The following PRDM11 variants were observed in gnomAD, a reference collection of about 807,000 sequenced individuals.
PRDM11 encodes the protein PR domain-containing protein 11.
PRDM11 carries 20 observed loss-of-function variants against 97.8 expected under a neutral mutation model. That is an observed-to-expected ratio of 0.20 (90% CI 0.14 to 0.30). The LOEUF (loss-of-function observed/expected upper bound fraction) is 0.30, where lower values mean the gene tolerates loss of function less well. Ranked by LOEUF, PRDM11 falls within the 10% of genes least tolerant of loss-of-function variation. The probability of loss-of-function intolerance (pLI) is 1.00; values close to 1 mark genes in which losing one functional copy is unlikely to be tolerated. For synonymous variants in PRDM11, 599 were observed against 637.7 expected (o/e 0.94, Z 0.91); for missense variants, 1,139 against 1,555.2 (o/e 0.73, Z 4.50).
chr11:45,098,896 T>C (rs975554323), intron 1 of PRDM11, among the ~76,000 whole-genome samples: 7 of 152,156 alleles, frequency 4.6e-5, no homozygotes, highest in African/African-American at 1.7e-4. Flanking sequence ...AGGAGTGTTG[T>C]ACTAAGCAAG....
In PRDM11 at chr11:45,160,133, C is replaced by T. The variant is rs149060879; in HGVS notation, c.-7+13256C>T. On this transcript the variant is annotated intron_variant, in intron 1 of 7. Transcript: ENST00000683152. Reference sequence around the variant, plus strand: ...GCTCTGACTTCCCTGCTGGGGCTCCCGAGGTTCAGAATGGGTGTTCACCCC... The same window carrying T: ...GCTCTGACTTCCCTGCTGGGGCTCCTGAGGTTCAGAATGGGTGTTCACCCC... Among the ~76,000 whole-genome samples, 906 of 152,244 alleles carry T rather than the reference C, an allele frequency of 6.0e-3. 7 individuals carry two copies. The highest frequency in any genetic ancestry group is 0.02 in the African/African-American group (849 of 41,532).
At chr11:45,115,218 G>A (rs1025364041) in intron 1 of PRDM11, among the ~76,000 whole-genome samples, 1 of 151,942 alleles carries the variant, frequency 6.6e-6, no homozygotes, top group Non-Finnish European at 1.5e-5. Flanking sequence ...TTACTTTGAT[G>A]TGAAGTGACA....
At chr11:45,095,105 G>A (rs1180659397), upstream of PRDM11, among the ~76,000 whole-genome samples, 1 of 152,072 alleles carries the variant, frequency 6.6e-6, no homozygotes, top group East Asian at 1.9e-4. Context: ...GTGGGATCCC[G>A]CCAACCTGCC....
At chr11:45,144,529 G>C (rs945463915), upstream of PRDM11, among the ~76,000 whole-genome samples, 1 of 152,154 alleles carries the variant, frequency 6.6e-6, no homozygotes, top group Non-Finnish European at 1.5e-5. Flanking sequence ...CAACTTGCCA[G>C]CTCATTCTCT....
At chr11:45,205,801 C>G (rs1005495042) in intron 5 of PRDM11, among the ~76,000 whole-genome samples, 2 of 152,204 alleles carry the variant, frequency 1.3e-5, no homozygotes, top group Non-Finnish European at 2.9e-5. Flanking sequence ...TTCCCAGTGG[C>G]TCCACTGCCC....
intron 1 of PRDM11, among the ~76,000 whole-genome samples, chr11:45,110,432 C>A (rs1303102615): frequency 6.6e-6 from 1 of 152,112 alleles, no homozygotes; most frequent in African/African-American, 2.4e-5. Flanking sequence ...TTCTAAAGGG[C>A]CAGGTAGGAG....
intron 1 of PRDM11, among the ~76,000 whole-genome samples, chr11:45,156,654 C>T (rs567175607): frequency 6.6e-6 from 1 of 152,334 alleles, no homozygotes; most frequent in South Asian, 2.1e-4. Context: ...GTAAAGAAGT[C>T]ACTTCACCTC....
At chr11:45,169,822 T>C (rs1406195828) in intron 1 of PRDM11, among the ~76,000 whole-genome samples, 1 of 152,198 alleles carries the variant, frequency 6.6e-6, no homozygotes, top group Non-Finnish European at 1.5e-5. Flanking sequence ...GTCTCTCCCA[T>C]GACGTGTTCT....
chr11:45,125,389 A>T (rs1387820779), intron 1 of PRDM11, among the ~76,000 whole-genome samples: 1 of 152,046 alleles, frequency 6.6e-6, no homozygotes, highest in Non-Finnish European at 1.5e-5. Context: ...TAGCTTTTGA[A>T]TGTGTTTGCT....
chr11:45,195,815 A>G (rs993653805), intron 4 of PRDM11, among the ~76,000 whole-genome samples: 1 of 151,768 alleles, frequency 6.6e-6, no homozygotes, highest in Non-Finnish European at 1.5e-5. Context: ...GCCTCAAGTG[A>G]TCCACCCACC....
rs1399202414 is a variant in PRDM11, at chr11:45,233,335, C to T, written c.*5176C>T. 6.6e-6 allele frequency: 1 copy of T among 152,104 alleles called. No homozygotes were observed. The highest frequency in any genetic ancestry group is 1.5e-5 in the Non-Finnish European group (1 of 68,046). The allele number at this position is 152,104 out of a possible 1,614,324, so 9.4% of individuals were successfully genotyped here. On this transcript the variant is annotated 3_prime_UTR_variant, in exon 8 of 8. Transcript: ENST00000683152. The stretch of plus-strand genomic sequence containing the variant: ...GCTGGGTCCCGGCTCGCTCCATGCA[C>T]TTTCTCTCCTTTTCCACAGGCTTGG...
chr11:45,137,072 A>G (rs2135659824), intron 1 of PRDM11, among the ~76,000 whole-genome samples: 1 of 151,838 alleles, frequency 6.6e-6, no homozygotes, highest in African/African-American at 2.4e-5. Flanking sequence ...CTGAGGCAGG[A>G]GAATTTCTTG....
At chr11:45,108,053 C>T (rs1275178098) in intron 1 of PRDM11, among the ~76,000 whole-genome samples, 1 of 152,152 alleles carries the variant, frequency 6.6e-6, no homozygotes, top group Non-Finnish European at 1.5e-5. Flanking sequence ...ACCATGTTGA[C>T]TAGGCTGGTC....
intron 1 of PRDM11, among the ~76,000 whole-genome samples, chr11:45,107,252 G>A (rs1283553850): frequency 2.0e-5 from 3 of 152,122 alleles, no homozygotes; most frequent in South Asian, 2.1e-4. Context: ...GCCCACTCCC[G>A]GGCTCCACAC....
chr11:45,101,499 T>C (rs1851974982), intron 1 of PRDM11, among the ~76,000 whole-genome samples: 1 of 147,254 alleles, frequency 6.8e-6, no homozygotes, highest in African/African-American at 2.5e-5. Flanking sequence ...GAGGTTGCAG[T>C]GAGGTGAGAT....
intron 4 of PRDM11, among the ~76,000 whole-genome samples, chr11:45,199,779 C>G (rs1206158637): frequency 1.3e-5 from 2 of 152,190 alleles, no homozygotes; most frequent in Non-Finnish European, 2.9e-5. Context: ...GGCCTGGGCT[C>G]ATCAGTGGCA....
chr11:45,219,535 C>T lies in PRDM11; in HGVS notation c.555-35C>T, dbSNP rs1459963709. 6.3e-7 allele frequency: 1 copy of T among 1,574,828 alleles called. No individual in the cohort carries two copies. Among genetic ancestry groups the T allele is most frequent in the Admixed American group, 1.7e-5 (1 of 59,086 alleles). On this transcript the variant is annotated intron_variant, in intron 5 of 7. Transcript: ENST00000683152. This position sits in a 1 kb window ranked among gnomAD's most constrained non-coding sequence, Gnocchi z 4.2. The stretch of plus-strand genomic sequence containing the variant: ...CCAGCGGGCACTCAACAAAGGGTGG[C>T]CCGTGCGTTCTCACCTGTCTCCCCT...
upstream of PRDM11, among the ~76,000 whole-genome samples, chr11:45,141,691 C>T (rs1164373746): frequency 6.6e-6 from 1 of 152,142 alleles, no homozygotes; most frequent in Non-Finnish European, 1.5e-5. Context: ...AGCCCTAGGC[C>T]AAAGCTCTGT....
chr11:45,204,028 C>T (rs1853421290), intron 4 of PRDM11, among the ~76,000 whole-genome samples: 1 of 152,186 alleles, frequency 6.6e-6, no homozygotes, highest in Non-Finnish European at 1.5e-5. Flanking sequence ...TTAAAATTTA[C>T]CACAGACAGA....
Sources: gnomAD v4.1 joint callset for allele counts (sites outside exome capture counted in the v4.1 genomes callset) on GRCh38, gnomAD v4.1.1 for gene constraint, Gnocchi (gnomAD v3.1) non-coding constraint, MANE v1.5 for transcripts, NCBI Gene and HGNC (gene_info 2026-07-23, HGNC 2026-07-21) for gene names.